Variants in SGSM2 observed in about 807,000 individuals in gnomAD.
The protein encoded by SGSM2 is small G protein signaling modulator 2, also known as RUN and TBC1 domain containing 1.
A neutral mutation model predicts 126.6 loss-of-function variants in SGSM2; 89 were observed. That is an observed-to-expected ratio of 0.70 (90% CI 0.59 to 0.84). The LOEUF (loss-of-function observed/expected upper bound fraction) is 0.84, where lower values mean the gene tolerates loss of function less well. Ranked by LOEUF, SGSM2 falls within the 40% of genes least tolerant of loss-of-function variation. The probability of loss-of-function intolerance (pLI) is 0.00; values close to 1 mark genes in which losing one functional copy is unlikely to be tolerated. For missense variants in SGSM2, 1,404 were observed against 1,416.6 expected (o/e 0.99, Z 0.14); for synonymous variants, 614 against 574.3 (o/e 1.07, Z -0.99).
In SGSM2 at chr17:2,364,944, C is replaced by T; in HGVS notation, c.1048C>T (p.Pro350Ser). 1 of 1,612,966 alleles carries T rather than the reference C, an allele frequency of 6.2e-7. No individual in the cohort carries two copies. Among genetic ancestry groups the T allele is most frequent in the South Asian group, 1.1e-5 (1 of 91,072 alleles). Reference sequence around the variant, plus strand: ...GGTGAGCCAGGATGGCATCCAGAGGCCGCCGCTGCATTTCCCACAGGGAGG... The same window carrying T: ...GGTGAGCCAGGATGGCATCCAGAGGTCGCCGCTGCATTTCCCACAGGGAGG... ...VLVSQDGIQR[P>S]PLHFPQGGHL... is the part of the protein sequence containing the mutation. Residue 350 changes from proline to serine, a missense_variant, in exon 10 of 24, where the codon CCG becomes TCG. Coordinates refer to ENST00000268989, the MANE Select transcript of SGSM2 (RefSeq NM_014853.3).
intron 2 of SGSM2, among the ~76,000 whole-genome samples, chr17:2,344,554 C>G (rs2064510793): frequency 6.6e-6 from 1 of 152,206 alleles, no homozygotes; most frequent in African/African-American, 2.4e-5. Flanking sequence ...TCACCAGGTG[C>G]CAGACACCGT....
chr17:2,376,287 T>A, intron 19 of SGSM2, 26 bp downstream of exon 19: 1 of 1,599,482 alleles, frequency 6.3e-7, no homozygotes, highest in Non-Finnish European at 8.5e-7. Context: ...GGGCTCAGGG[T>A]GGGAGGCGGG....
At chr17:2,352,872 G>C (rs2064923666) in intron 2 of SGSM2, among the ~76,000 whole-genome samples, 1 of 133,006 alleles carries the variant, frequency 7.5e-6, no homozygotes, top group South Asian at 2.6e-4. Flanking sequence ...CTGCCTCCCG[G>C]GTTCACGCCA....
intron 21 of SGSM2, 84 bp from the exon 22 acceptor site, chr17:2,377,773 C>A: frequency 1.1e-6 from 1 of 881,078 alleles, no homozygotes; most frequent in Non-Finnish European, 1.9e-6. Context: ...GCCTGCATCC[C>A]TGGGCGTGAG....
chr17:2,363,918 T>C lies in SGSM2; in HGVS notation c.808-141T>C. 9.9e-7 allele frequency: 1 copy of C among 1,011,982 alleles called. No homozygotes were observed. Among genetic ancestry groups the C allele is most frequent in the East Asian group, 2.5e-5 (1 of 39,822 alleles). 62.7% of individuals were successfully genotyped at this position (1,011,982 alleles called of 1,614,324 possible). ...GAAACTGAGTCCTGTTTTCCTGTGCTTCTGCCCCGTCCCTAGTCCAGGACC... is the reference window on the plus strand; with the variant it reads ...GAAACTGAGTCCTGTTTTCCTGTGCCTCTGCCCCGTCCCTAGTCCAGGACC... On this transcript the variant is annotated intron_variant, in intron 7 of 23. Transcript: ENST00000268989. This position sits in a 1 kb window ranked among gnomAD's most constrained non-coding sequence, Gnocchi z 4.2.
In SGSM2 at chr17:2,364,041, C is replaced by T. The variant is rs775785812; in HGVS notation, c.808-18C>T. ...TCTCAGCCCTTCATCGTCGGTCTTC[C>T]GGTGTCTCCCGCTGTAGAAGGAGGA... is the stretch of plus-strand genomic sequence containing the variant. On this transcript the variant is annotated intron_variant, in intron 7 of 23. Coordinates refer to ENST00000268989, the MANE Select transcript of SGSM2 (RefSeq NM_014853.3). 59 of 1,613,824 alleles carry T rather than the reference C, an allele frequency of 3.7e-5. No homozygotes were observed. The highest frequency in any genetic ancestry group is 4.3e-5 in the Non-Finnish European group (51 of 1,179,988).
At position 2,372,770 on chromosome 17, in the gene SGSM2, C is replaced by T. The variant is rs565116112; in HGVS notation, c.1789-183C>T. 8.2e-5 allele frequency: 72 copies of T among 875,076 alleles called. No homozygotes were observed. Among genetic ancestry groups the T allele is most frequent in the South Asian group, 5.5e-4 (31 of 55,888 alleles). 54.2% of individuals were successfully genotyped at this position (875,076 alleles called of 1,614,324 possible). ...TGCCCCTTAAGGAAGGAGAGCAGAA[C>T]GAGATCTCATCCCACTGTGAGCTGG... On this transcript the variant is annotated intron_variant, in intron 15 of 23. Coordinates refer to ENST00000268989, the MANE Select transcript of SGSM2 (RefSeq NM_014853.3). The surrounding 1 kb of genome is among the most constrained non-coding windows in gnomAD (Gnocchi z 6.0).
intron 2 of SGSM2, among the ~76,000 whole-genome samples, chr17:2,346,995 A>G (rs2064625760): frequency 6.6e-6 from 1 of 152,140 alleles, no homozygotes; most frequent in African/African-American, 2.4e-5. Context: ...AGGCTGAGGT[A>G]GGAGGATCAC....
chr17:2,342,247 C>G (rs1402852136), intron 1 of SGSM2, among the ~76,000 whole-genome samples: 2 of 146,986 alleles, frequency 1.4e-5, no homozygotes, highest in African/African-American at 5.0e-5. Context: ...GAAACCCCGT[C>G]TCTACTAAAA....
rs912285670 is a variant in SGSM2 at position 2,337,671 on chromosome 17, G to A, written c.-18G>A. The A allele has an allele frequency of 4.1e-6, 6 of 1,465,450 alleles. No homozygotes were observed. In the African/African-American group the frequency reaches 8.8e-5, roughly 21 times the overall value. The allele number at this position is 1,465,450 out of a possible 1,614,324, so 90.8% of individuals were successfully genotyped here. A position where few individuals can be genotyped will look rare whatever the true frequency, so the allele number is the denominator to read the frequency against. ...GCGGGGGCTCTGAGGACCGCTCGGCGCCGCCTCCTGCCACACCATGGGCAG... is the reference window on the plus strand; with the variant it reads ...GCGGGGGCTCTGAGGACCGCTCGGCACCGCCTCCTGCCACACCATGGGCAG... On this transcript the variant is annotated 5_prime_UTR_variant, in exon 1 of 24. Transcript: ENST00000268989. The surrounding 1 kb of genome is among the most constrained non-coding windows in gnomAD (Gnocchi z 5.1).
In SGSM2 at chr17:2,362,140, C is replaced by A; in HGVS notation, c.328C>A (p.Arg110=). The change falls in exon 4 of 24, where the codon CGG becomes AGG. Residue 110 remains arginine, a synonymous_variant. Transcript: ENST00000268989. This position sits in a 1 kb window ranked among gnomAD's most constrained non-coding sequence, Gnocchi z 4.9. ...CTCAGGGGTCAGCCAGGAGGCCCTG[C>A]GGAGACAGGGCTCAGCCAGCGGGAA... ...KPSGVSQEAL[R]RQGSASGKAP... 1.9e-6 allele frequency: 3 copies of A among 1,613,524 alleles called. No individual in the cohort carries two copies. The highest frequency in any genetic ancestry group is 2.5e-6 in the Non-Finnish European group (3 of 1,179,892).
chr17:2,368,419 A>G (rs1433278275), intron 12 of SGSM2, among the ~76,000 whole-genome samples: 2 of 151,994 alleles, frequency 1.3e-5, no homozygotes, highest in African/African-American at 2.4e-5. Flanking sequence ...ACCCATTCCC[A>G]TGCTACAAAA....
intron 2 of SGSM2, among the ~76,000 whole-genome samples, chr17:2,359,449 T>C (rs1333743929): frequency 2.6e-5 from 4 of 152,070 alleles, no homozygotes. Flanking sequence ...AGTCGATGCA[T>C]GAGAGGGATT....
rs1207002154 is a variant in SGSM2 at position 2,373,086 on chromosome 17, G to A, written c.1917+5G>A. 2 of 1,603,062 alleles carry A rather than the reference G, an allele frequency of 1.2e-6. No homozygotes were observed. The highest frequency in any genetic ancestry group is 2.3e-5 in the East Asian group (1 of 44,090). ...AGCAAGAAGGAGATGGAGCAGGTGA[G>A]GGGAGCCTGTTCCCATGGGGCTGAT... is the stretch of plus-strand genomic sequence containing the variant. On this transcript the variant is annotated splice_donor_5th_base_variant and intron_variant, in intron 16 of 23. Transcript: ENST00000268989.
chr17:2,373,490 C>A lies in SGSM2; in HGVS notation c.2077C>A (p.Arg693=). ...IDSHVQRLIH[R]DSTISNDVFI... ...CAGCCACGTGCAGCGCCTCATCCAC[C>A]GAGACTCCACCATCAGCAACGATGT... Residue 693 remains arginine (R), a synonymous_variant, in exon 17 of 24, where the codon CGA becomes AGA. Transcript: ENST00000268989. The A allele has an allele frequency of 6.3e-7, 1 of 1,597,366 alleles. No individual in the cohort carries two copies. The highest frequency in any genetic ancestry group is 8.5e-7 in the Non-Finnish European group (1 of 1,176,110).
At chr17:2,371,980 G>C in intron 13 of SGSM2, 1 of 576,884 alleles carries the variant, frequency 1.7e-6, no homozygotes, top group South Asian at 2.1e-5. Context: ...ATCCCTGGGT[G>C]GTTGGGGGCC....
intron 19 of SGSM2, 49 bp downstream of exon 19, chr17:2,376,310 G>C (rs773856922): frequency 6.7e-7 from 1 of 1,490,992 alleles, no homozygotes; most frequent in Non-Finnish European, 9.0e-7. Context: ...CCTGCCGCCA[G>C]TTACTCTGTG....
Position 2,375,381 on chromosome 17 carries a change from G to A in SGSM2, c.2101-111G>A, listed in dbSNP as rs568122708. 801 of 1,361,184 alleles carry A rather than the reference G, an allele frequency of 5.9e-4. 13 individuals carry two copies. In the South Asian group the frequency reaches 0.011, roughly 19 times the overall value. The allele number at this position is 1,361,184 out of a possible 1,614,324, so 84.3% of individuals were successfully genotyped here. On this transcript the variant is annotated intron_variant, in intron 17 of 23. Coordinates refer to ENST00000268989, the MANE Select transcript of SGSM2 (RefSeq NM_014853.3). ...GCCACAGTGTTGGAGGCTGTGGTGGGAGAGGGGGTGTGAAGAGTTTTGCAT... is the reference window on the plus strand; with the variant it reads ...GCCACAGTGTTGGAGGCTGTGGTGGAAGAGGGGGTGTGAAGAGTTTTGCAT...
At position 2,372,267 on chromosome 17, in the gene SGSM2, CGCGCCGGGCT is replaced by C. The variant is rs752452572; in HGVS notation, c.1642+15_1642+24del. The C allele has an allele frequency of 6.2e-7, 1 of 1,612,622 alleles. No homozygotes were observed. The highest frequency in any genetic ancestry group is 8.5e-7 in the Non-Finnish European group (1 of 1,179,522). On this transcript the variant is annotated intron_variant, in intron 14 of 23. Transcript: ENST00000268989. This position sits in a 1 kb window ranked among gnomAD's most constrained non-coding sequence, Gnocchi z 6.0. Reference sequence around the variant, plus strand: ...GCCTTCTACGGCTGTGAGTGTGGGGCGCGCCGGGCTGTGGCGGGCTGGGGGCGGGCGGCCC... The same window carrying C: ...GCCTTCTACGGCTGTGAGTGTGGGGCGTGGCGGGCTGGGGGCGGGCGGCCC...
Sources: gnomAD v4.1 joint callset for allele counts (sites outside exome capture counted in the v4.1 genomes callset) on GRCh38, gnomAD v4.1.1 for gene constraint, Gnocchi (gnomAD v3.1) non-coding constraint, MANE v1.5 for transcripts, NCBI Gene and HGNC (gene_info 2026-07-23, HGNC 2026-07-21) for gene names.